Variants in ADAMTS17 observed in about 807,000 individuals in gnomAD.
The protein encoded by ADAMTS17 is ADAM metallopeptidase with thrombospondin type 1 motif 17, also known as A disintegrin and metalloproteinase with thrombospondin motifs 17.
ADAMTS17 carries 113 observed loss-of-function variants against 141.5 expected under a neutral mutation model. The observed-to-expected ratio is 0.80, with a 90% CI of 0.69 to 0.93. The LOEUF (loss-of-function observed/expected upper bound fraction) is 0.93, where lower values mean the gene tolerates loss of function less well. Among genes scored for constraint, ADAMTS17 ranks in the 40% least tolerant of loss-of-function variants. The probability of loss-of-function intolerance (pLI) is 0.00; values close to 1 mark genes in which losing one functional copy is unlikely to be tolerated. For synonymous variants in ADAMTS17, 768 were observed against 630.6 expected, an observed-to-expected ratio of 1.22 and a Z score of -3.27; for missense variants, 1,659 against 1,517.9, an observed-to-expected ratio of 1.09 and a Z score of -1.54.
At chr15:100,109,255 G>A (rs1048912543) in intron 13 of ADAMTS17, 139 bp from the exon 14 acceptor site, 133 of 1,037,898 alleles carry the variant, frequency 1.3e-4, no homozygotes, top group Non-Finnish European at 1.7e-4. Flanking sequence ...GCTCAGGTAC[G>A]CGCTCCAGGA....
At chr15:100,080,429 G>A (rs150089249) in intron 15 of ADAMTS17, among the ~76,000 whole-genome samples, 1,763 of 152,194 alleles carry the variant, frequency 0.012, 39 homozygotes, top group African/African-American at 0.041. Context: ...ATCCATTAGG[G>A]CGTCTCTTAG....
At chr15:100,044,162 T>C (rs984126295) in intron 18 of ADAMTS17, among the ~76,000 whole-genome samples, 6 of 152,224 alleles carry the variant, frequency 3.9e-5, no homozygotes, top group African/African-American at 9.6e-5. Context: ...TGGAATCTAG[T>C]TGAAACATGA....
At chr15:100,090,712 A>T (rs1262056188) in intron 15 of ADAMTS17, among the ~76,000 whole-genome samples, 1 of 152,134 alleles carries the variant, frequency 6.6e-6, no homozygotes, top group African/African-American at 2.4e-5. Flanking sequence ...TCTGTTCATG[A>T]TAAAAAGGAA....
intron 3 of ADAMTS17, among the ~76,000 whole-genome samples, chr15:100,292,174 G>A (rs1487657981): frequency 1.4e-5 from 2 of 146,202 alleles, no homozygotes; most frequent in Admixed American, 6.7e-5. Context: ...GGGAAACTAC[G>A]AGACACGCTC....
chr15:100,014,147 T>C (rs1028619368), intron 18 of ADAMTS17, among the ~76,000 whole-genome samples: 1 of 152,170 alleles, frequency 6.6e-6, no homozygotes, highest in Non-Finnish European at 1.5e-5. Context: ...ATCTATCTCT[T>C]CTAGGTTTTC....
chr15:100,217,460 G>A (rs1261202549), intron 7 of ADAMTS17, among the ~76,000 whole-genome samples: 2 of 152,096 alleles, frequency 1.3e-5, no homozygotes, highest in African/African-American at 4.8e-5. Context: ...TTAGGTGGGC[G>A]TGGTGGTGGG....
intron 15 of ADAMTS17, among the ~76,000 whole-genome samples, chr15:100,085,124 T>C (rs551958209): frequency 4.9e-4 from 74 of 151,986 alleles, no homozygotes; most frequent in African/African-American, 1.8e-3. Flanking sequence ...CTAACTAGAA[T>C]AACCAATGCA....
At chr15:100,128,073 G>C (rs936218859) in intron 12 of ADAMTS17, among the ~76,000 whole-genome samples, 9 of 152,118 alleles carry the variant, frequency 5.9e-5, no homozygotes, top group Admixed American at 1.3e-4. Flanking sequence ...AAACTGCATG[G>C]ACTCAGTGGC....
At chr15:100,327,218 C>T (rs758249797) in intron 3 of ADAMTS17, among the ~76,000 whole-genome samples, 2 of 152,184 alleles carry the variant, frequency 1.3e-5, no homozygotes, top group Non-Finnish European at 2.9e-5. Flanking sequence ...ACGTATTATA[C>T]GTGCAAATTC....
Position 100,193,247 on chromosome 15 carries a change from C to G in ADAMTS17, c.1181+6071G>C, listed in dbSNP as rs139938850. Among the ~76,000 whole-genome samples the G allele has an allele frequency of 2.3e-3, 351 of 152,334 alleles. 3 individuals are homozygous for G. The highest frequency in any genetic ancestry group is 8.1e-3 in the African/African-American group (337 of 41,588). On this transcript the variant is annotated intron_variant, in intron 8 of 21. Coordinates refer to ENST00000268070, the MANE Select transcript of ADAMTS17 (RefSeq NM_139057.4). ...GGTCACTTTACGCTTTGCGCCATGT[C>G]CTCCTTGAGGTCTCCCGGGAGCTGA...
chr15:100,083,675 G>A (rs1001073629), intron 15 of ADAMTS17, among the ~76,000 whole-genome samples: 1 of 151,188 alleles, frequency 6.6e-6, no homozygotes, highest in Non-Finnish European at 1.5e-5. Context: ...CTTCACAAAT[G>A]TAAACAAAGT....
intron 13 of ADAMTS17, among the ~76,000 whole-genome samples, chr15:100,110,489 C>T (rs185218800): frequency 2.0e-5 from 3 of 152,020 alleles, no homozygotes; most frequent in Non-Finnish European, 4.4e-5. Flanking sequence ...TGGTCTCGAT[C>T]TCCTGACCTC....
At chr15:100,147,793 T>C (rs903739070) in intron 10 of ADAMTS17, among the ~76,000 whole-genome samples, 14 of 152,262 alleles carry the variant, frequency 9.2e-5, no homozygotes, top group African/African-American at 3.4e-4. Flanking sequence ...GGCAAATCTG[T>C]ATTAGTTTCC....
intron 15 of ADAMTS17, among the ~76,000 whole-genome samples, chr15:100,080,214 A>G (rs1294148629): frequency 6.6e-6 from 1 of 152,102 alleles, no homozygotes; most frequent in East Asian, 1.9e-4. Context: ...CAGAGGGAGA[A>G]ATGCTGCCAC....
In ADAMTS17 at chr15:100,123,279, G is replaced by GT. The variant is rs1168788865; in HGVS notation, c.1722-6267dup. ...TCTGGAAGTTGCTCTGAGCTACGCA[G>GT]TAAGGAGAAAAACAAAACACATCTA... On this transcript the variant is annotated intron_variant, in intron 12 of 21. Transcript: ENST00000268070. 1.8e-3 allele frequency among the ~76,000 whole-genome samples: 270 copies of GT among 152,356 alleles called. 4 individuals carry two copies. The highest frequency in any genetic ancestry group is 1.6e-4 in the Non-Finnish European group (11 of 68,036).
At chr15:100,326,098 A>G (rs2045892587) in intron 3 of ADAMTS17, among the ~76,000 whole-genome samples, 2 of 152,244 alleles carry the variant, frequency 1.3e-5, no homozygotes, top group South Asian at 4.1e-4. Context: ...CTGGGGTTAC[A>G]GCAAAGGGAA....
chr15:100,180,578 G>A (rs2040489290), intron 8 of ADAMTS17, among the ~76,000 whole-genome samples: 1 of 152,064 alleles, frequency 6.6e-6, no homozygotes, highest in African/African-American at 2.4e-5. Context: ...TTTTGATAGG[G>A]ATTGCACTGA....
chr15:100,071,891 G>T (rs1291575604), intron 15 of ADAMTS17, among the ~76,000 whole-genome samples: 3 of 150,200 alleles, frequency 2.0e-5, no homozygotes, highest in African/African-American at 4.9e-5. Flanking sequence ...ACATAGTGTT[G>T]GAAGTTCTGG....
rs530518742 is a variant in ADAMTS17, at chr15:100,223,644, T to C, written c.1076-24221A>G. ...GTGTATTAGGGTTTTCTTAGAGAGATAGAACTTCACACACACACACCCACA... is the reference window on the plus strand; with the variant it reads ...GTGTATTAGGGTTTTCTTAGAGAGACAGAACTTCACACACACACACCCACA... On this transcript the variant is annotated intron_variant, in intron 7 of 21. Transcript: ENST00000268070. Among the ~76,000 whole-genome samples the C allele has an allele frequency of 4.7e-4, 72 of 151,714 alleles. 1 individual carries two copies. The South Asian group carries it at 9.8e-3, about 21-fold the overall frequency.
Sources: allele counts gnomAD v4.1 joint callset (sites outside exome capture counted in the v4.1 genomes callset), GRCh38; gene constraint gnomAD v4.1.1; transcripts MANE v1.5; gene names NCBI Gene and HGNC (gene_info 2026-07-23, HGNC 2026-07-21).